Variants in HS6ST3 observed in about 807,000 individuals in gnomAD.
HS6ST3 encodes the protein heparan-sulfate 6-O-sulfotransferase 3.
A neutral mutation model predicts 36.7 loss-of-function variants in HS6ST3; 12 were observed. The ratio of observed to expected loss-of-function variants is 0.33; its 90% CI spans 0.21 to 0.53. The LOEUF (loss-of-function observed/expected upper bound fraction) is 0.53, where lower values mean the gene tolerates loss of function less well. Ranked by LOEUF, HS6ST3 falls within the 20% of genes least tolerant of loss-of-function variation. HS6ST3 has a pLI of 0.95. For missense variants in HS6ST3, 584 were observed against 640.9 expected (o/e 0.91, Z 0.96); for synonymous variants, 240 against 257.5 (o/e 0.93, Z 0.65).
intron 1 of HS6ST3, among the ~76,000 whole-genome samples, chr13:96,432,112 C>A (rs1388013088): frequency 6.6e-6 from 1 of 152,066 alleles, no homozygotes; most frequent in African/African-American, 2.4e-5. Context: ...TTTCTTTTTG[C>A]CCTTTTTCCT....
At chr13:96,206,754 A>G (rs1452166738) in intron 1 of HS6ST3, among the ~76,000 whole-genome samples, 1 of 152,238 alleles carries the variant, frequency 6.6e-6, no homozygotes, top group Non-Finnish European at 1.5e-5. Flanking sequence ...CTGGCGAGCC[A>G]TATGCAGAAA....
chr13:96,656,955 T>TTGTGTGTGTGTGTGTG (rs754838881), intron 1 of HS6ST3, among the ~76,000 whole-genome samples: 2 of 122,312 alleles, frequency 1.6e-5, no homozygotes, highest in Non-Finnish European at 3.3e-5. Flanking sequence ...GGCTTTTCTT[T>TTGTGTGTGTGTGTGTG]TGTGTGTGTG....
intron 1 of HS6ST3, among the ~76,000 whole-genome samples, chr13:96,112,578 A>AATATACCTATATAT: frequency 1.2e-5 from 1 of 81,248 alleles, no homozygotes; most frequent in East Asian, 4.1e-4. Context: ...AAAATAAATA[A>AATATACCTATATAT]ATATATATAT....
At chr13:96,220,570 G>A (rs955864866) in intron 1 of HS6ST3, among the ~76,000 whole-genome samples, 4 of 152,120 alleles carry the variant, frequency 2.6e-5, no homozygotes, top group African/African-American at 9.7e-5. Context: ...TGTTTTTGAT[G>A]ATCTGTTTCA....
chr13:96,618,016 A>G (rs193222471), intron 1 of HS6ST3, among the ~76,000 whole-genome samples: 2 of 152,314 alleles, frequency 1.3e-5, no homozygotes, highest in East Asian at 3.9e-4. Flanking sequence ...ATGGGTTTCT[A>G]TGTCAGACAA....
At chr13:96,301,898 TATAATAATAATAATAATAATA>T (rs71113989) in intron 1 of HS6ST3, among the ~76,000 whole-genome samples, 1 of 137,762 alleles carries the variant, frequency 7.3e-6, no homozygotes, top group Non-Finnish European at 1.6e-5. Context: ...AGACTCCATC[TATAATAATAATAATAATAATA>T]ATAATAATAA....
Position 96,606,655 on chromosome 13 carries a change from T to C in HS6ST3, c.708-225835T>C, listed in dbSNP as rs2056440229. Among the ~76,000 whole-genome samples the C allele has an allele frequency of 2.7e-5, 4 of 146,630 alleles. No individual in the cohort carries two copies. The South Asian group carries it at 9.0e-4, about 33-fold the overall frequency. ...GGAGGGAGGGCTGAGGGACTGCCTA[T>C]TGGGTGCTGTGCTCAATGCCTGAGT... On this transcript the variant is annotated intron_variant, in intron 1 of 1. Coordinates refer to ENST00000376705, the MANE Select transcript of HS6ST3 (RefSeq NM_153456.4).
intron 1 of HS6ST3, among the ~76,000 whole-genome samples, chr13:96,284,927 C>CTTTG (rs2054794082): frequency 8.7e-6 from 1 of 114,682 alleles, no homozygotes; most frequent in Non-Finnish European, 1.8e-5. Flanking sequence ...TTCTTTCTTT[C>CTTTG]TTTCTTTCTT....
intron 1 of HS6ST3, among the ~76,000 whole-genome samples, chr13:96,306,568 ATTCTGTCCCT>A (rs931399524): frequency 6.6e-6 from 1 of 152,126 alleles, no homozygotes; most frequent in African/African-American, 2.4e-5. Context: ...GGTGCGTTAG[ATTCTGTCCCT>A]TTTAGAGTGA....
At chr13:96,452,706 C>G (rs2055734129) in intron 1 of HS6ST3, among the ~76,000 whole-genome samples, 1 of 152,066 alleles carries the variant, frequency 6.6e-6, no homozygotes, top group African/African-American at 2.4e-5. Flanking sequence ...TCTTTTATGC[C>G]TGGCTATTAA....
At chr13:96,316,660 A>G (rs578057745) in intron 1 of HS6ST3, among the ~76,000 whole-genome samples, 8 of 152,208 alleles carry the variant, frequency 5.3e-5, no homozygotes, top group Non-Finnish European at 1.0e-4. Flanking sequence ...TTTTATTTCA[A>G]TTATAATAAT....
Position 96,488,973 on chromosome 13 carries a change from T to A in HS6ST3, c.708-343517T>A, listed in dbSNP as rs1411863910. 1.3e-5 allele frequency among the ~76,000 whole-genome samples: 2 copies of A among 151,956 alleles called. 1 individual carries two copies. The highest frequency in any genetic ancestry group is 1.3e-4 in the Admixed American group (2 of 15,224). ...CCATGGTATGATAGGTTTAATACAG[T>A]GTGTGTGATCCTTGGGGATGTGTAC... On this transcript the variant is annotated intron_variant, in intron 1 of 1. Transcript: ENST00000376705.
chr13:96,446,682 C>A (rs1401568436), intron 1 of HS6ST3, among the ~76,000 whole-genome samples: 2 of 152,188 alleles, frequency 1.3e-5, no homozygotes, highest in African/African-American at 2.4e-5. Context: ...TCCAGGAGAG[C>A]AGTGTGTGAG....
chr13:96,270,018 T>C (rs1427561563), intron 1 of HS6ST3, among the ~76,000 whole-genome samples: 1 of 151,956 alleles, frequency 6.6e-6, no homozygotes, highest in Non-Finnish European at 1.5e-5. Flanking sequence ...AAACTGTCCT[T>C]TGGTCAGCCG....
chr13:96,705,933 A>G (rs986429351), intron 1 of HS6ST3, among the ~76,000 whole-genome samples: 7 of 151,846 alleles, frequency 4.6e-5, no homozygotes, highest in African/African-American at 1.5e-4. Context: ...GGGACAAACA[A>G]CTCTCACTGG....
intron 1 of HS6ST3, among the ~76,000 whole-genome samples, chr13:96,539,211 C>G (rs1468462696): frequency 1.3e-5 from 2 of 152,184 alleles, no homozygotes; most frequent in Non-Finnish European, 2.9e-5. Flanking sequence ...AAAACACTTT[C>G]TGTCAGTTTA....
intron 1 of HS6ST3, among the ~76,000 whole-genome samples, chr13:96,594,996 T>G (rs953521756): frequency 6.6e-6 from 1 of 152,188 alleles, no homozygotes; most frequent in African/African-American, 2.4e-5. Context: ...TACAGAATAT[T>G]TGGTTGGTAG....
chr13:96,734,792 C>T (rs749582609), intron 1 of HS6ST3, among the ~76,000 whole-genome samples: 26 of 152,194 alleles, frequency 1.7e-4, no homozygotes, highest in Non-Finnish European at 1.8e-4. Context: ...TGACAGCGCA[C>T]CAACCATTTG....
chr13:96,772,400 A>G (rs1393545049), intron 1 of HS6ST3, among the ~76,000 whole-genome samples: 1 of 152,220 alleles, frequency 6.6e-6, no homozygotes, highest in Non-Finnish European at 1.5e-5. Context: ...GAGCAAGGTT[A>G]TATTGAGCAA....
Sources: allele counts gnomAD v4.1 joint callset (sites outside exome capture counted in the v4.1 genomes callset), GRCh38; gene constraint gnomAD v4.1.1; transcripts MANE v1.5; gene names NCBI Gene and HGNC (gene_info 2026-07-23, HGNC 2026-07-21).